The following OPCML variants were observed in gnomAD, a reference collection of about 807,000 sequenced individuals.
OPCML encodes opioid binding protein/cell adhesion molecule like.
In OPCML, 13 loss-of-function variants were observed where a neutral mutation model predicts 37.8. The observed-to-expected ratio is 0.34, with a 90% confidence interval of 0.22 to 0.55. OPCML has a LOEUF of 0.55. Ranked by LOEUF, OPCML falls within the 20% of genes least tolerant of loss-of-function variation. The pLI, the probability that OPCML is intolerant of heterozygous loss-of-function variation, is 0.91. For missense variants in OPCML, 341 were observed against 435.6 expected (o/e 0.78, Z 1.93); for synonymous variants, 176 against 168.8 (o/e 1.04, Z -0.33).
At chr11:132,621,205 C>T (rs1360160269) in intron 3 of OPCML, among the ~76,000 whole-genome samples, 1 of 152,186 alleles carries the variant, frequency 6.6e-6, no homozygotes, top group Non-Finnish European at 1.5e-5. Flanking sequence ...TCAAATATTG[C>T]TGCAGGGAGT....
chr11:132,623,597 T>G (rs756701636), intron 3 of OPCML, among the ~76,000 whole-genome samples: 1 of 152,150 alleles, frequency 6.6e-6, no homozygotes, highest in Non-Finnish European at 1.5e-5. Flanking sequence ...TACACTGTTT[T>G]AACGAGAAAA....
In OPCML at chr11:133,509,954, A is replaced by G. The variant is rs1013428223; in HGVS notation, c.61+22310T>C. On this transcript the variant is annotated intron_variant, in intron 1 of 7. Coordinates refer to ENST00000524381, the MANE Select transcript of OPCML (RefSeq NM_001012393.5). ...CACATCCACTCCCCTCACCAGGCAC[A>G]TTACCCTAACCTTGGTGGTGCTCTG... is the stretch of plus-strand genomic sequence containing the variant. Among the ~76,000 whole-genome samples the G allele has an allele frequency of 8.5e-5, 13 of 152,250 alleles. No homozygotes were observed. The East Asian group carries it at 2.1e-3, about 25-fold the overall frequency.
At chr11:133,441,999 A>T (rs1485787202) in intron 1 of OPCML, among the ~76,000 whole-genome samples, 2 of 152,180 alleles carry the variant, frequency 1.3e-5, no homozygotes, top group African/African-American at 4.8e-5. Flanking sequence ...ATAATACCTA[A>T]TGTTTATTGA....
In OPCML at chr11:132,496,231, G is replaced by A. The variant is rs538392710; in HGVS notation, c.505+32830C>T. On this transcript the variant is annotated intron_variant, in intron 4 of 7. Coordinates refer to ENST00000524381, the MANE Select transcript of OPCML (RefSeq NM_001012393.5). Reference sequence around the variant, plus strand: ...CTCTATGTTGTGAGATAGCATAAACGGATGGATGTGAAAGTGGTCTCAAGA... The same window carrying A: ...CTCTATGTTGTGAGATAGCATAAACAGATGGATGTGAAAGTGGTCTCAAGA... 1.2e-4 allele frequency among the ~76,000 whole-genome samples: 19 copies of A among 152,304 alleles called. No individual in the cohort carries two copies. In the South Asian group the frequency reaches 2.5e-3, roughly 20 times the overall value.
chr11:133,475,516 T>C (rs182650089), intron 1 of OPCML, among the ~76,000 whole-genome samples: 1 of 152,308 alleles, frequency 6.6e-6, no homozygotes, highest in Non-Finnish European at 1.5e-5. Flanking sequence ...GCGTCCTCTC[T>C]GTCCCATTGC....
chr11:133,526,276 G>A (rs7926551), intron 1 of OPCML, among the ~76,000 whole-genome samples: 4,349 of 152,322 alleles, frequency 0.029, 214 homozygotes, highest in African/African-American at 0.099. Flanking sequence ...TGTGCCCACA[G>A]GGAGAGCACC....
At chr11:132,479,918 GA>G (rs999731239) in intron 4 of OPCML, among the ~76,000 whole-genome samples, 19 of 152,202 alleles carry the variant, frequency 1.2e-4, no homozygotes, top group African/African-American at 3.4e-4. Flanking sequence ...CAAAGATGGG[GA>G]AAAAAACAGC....
chr11:132,431,704 T>C (rs1475998612), intron 7 of OPCML, among the ~76,000 whole-genome samples: 1 of 152,244 alleles, frequency 6.6e-6, no homozygotes, highest in Non-Finnish European at 1.5e-5. Context: ...AAATTGCTTA[T>C]ATCCCATTTT....
chr11:132,724,077 AT>A (rs11342641), intron 2 of OPCML, among the ~76,000 whole-genome samples: 6,609 of 152,192 alleles, frequency 0.043, 393 homozygotes, highest in African/African-American at 0.14. Context: ...GCATAGGGAA[AT>A]TGTGGGTCAT....
At chr11:133,347,254 G>C (rs561872304) in intron 1 of OPCML, among the ~76,000 whole-genome samples, 185 of 152,308 alleles carry the variant, frequency 1.2e-3, no homozygotes, top group African/African-American at 4.2e-3. Context: ...TCTCCAAGGT[G>C]TCTTCATGAT....
intron 1 of OPCML, among the ~76,000 whole-genome samples, chr11:133,490,139 C>T (rs1947623693): frequency 6.6e-6 from 1 of 152,116 alleles, no homozygotes; most frequent in South Asian, 2.1e-4. Context: ...TTTACTCCTT[C>T]AGAGAGCTTG....
At chr11:133,024,992 A>G in intron 1 of OPCML, 2 of 985,454 alleles carry the variant, frequency 2.0e-6, no homozygotes, top group Non-Finnish European at 2.4e-6. Flanking sequence ...CACTGCCCTG[A>G]TAATTCTGAC....
intron 2 of OPCML, among the ~76,000 whole-genome samples, chr11:132,746,165 A>G (rs1190268268): frequency 6.6e-6 from 1 of 152,036 alleles, no homozygotes; most frequent in Non-Finnish European, 1.5e-5. Flanking sequence ...GCTCCAGGAA[A>G]CAGACAAGGA....
chr11:133,531,512 G>A (rs1265711022), intron 1 of OPCML, among the ~76,000 whole-genome samples: 1 of 152,188 alleles, frequency 6.6e-6, no homozygotes, highest in African/African-American at 2.4e-5. Context: ...TAAGGAACAG[G>A]AAGGAGATAC....
intron 3 of OPCML, among the ~76,000 whole-genome samples, chr11:132,648,848 A>G (rs1241021357): frequency 6.6e-6 from 1 of 150,514 alleles, no homozygotes; most frequent in Non-Finnish European, 1.5e-5. Flanking sequence ...CCAGAGTCAC[A>G]TTTTTTTTTG....
At chr11:132,885,020 G>A (rs986067700) in intron 2 of OPCML, among the ~76,000 whole-genome samples, 3 of 152,152 alleles carry the variant, frequency 2.0e-5, no homozygotes, top group Non-Finnish European at 4.4e-5. Context: ...CATGTGCAGT[G>A]GACAGCATCT....
rs189239936 is a variant in OPCML at position 133,241,839 on chromosome 11, C to T, written c.61+290425G>A. Among the ~76,000 whole-genome samples the T allele has an allele frequency of 1.6e-3, 243 of 152,320 alleles. 1 individual carries two copies. Among genetic ancestry groups the T allele is most frequent in the African/African-American group, 5.6e-3 (231 of 41,568 alleles). On this transcript the variant is annotated intron_variant, in intron 1 of 7. Transcript: ENST00000524381. The stretch of plus-strand genomic sequence containing the variant: ...AACTGCCCACTGCCAACAACTTCCA[C>T]GCTTCCACGCATGTATTTTTCAGGC...
chr11:132,462,624 C>T (rs771787824), intron 4 of OPCML, among the ~76,000 whole-genome samples: 5 of 152,190 alleles, frequency 3.3e-5, no homozygotes, highest in Admixed American at 6.5e-5. Flanking sequence ...GTTCCTCTGC[C>T]ATAAGACATA....
At chr11:133,351,200 C>T (rs935968107) in intron 1 of OPCML, among the ~76,000 whole-genome samples, 3 of 152,106 alleles carry the variant, frequency 2.0e-5, no homozygotes, top group Non-Finnish European at 4.4e-5. Context: ...TTTTTGTGGT[C>T]TGGGGCTAAG....
Sources: gnomAD v4.1 joint callset for allele counts (sites outside exome capture counted in the v4.1 genomes callset) on GRCh38, gnomAD v4.1.1 for gene constraint, MANE v1.5 for transcripts, NCBI Gene and HGNC (gene_info 2026-07-23, HGNC 2026-07-21) for gene names.